Variants in DBF4B observed in about 807,000 individuals in gnomAD.
DBF4B encodes the protein protein DBF4 homolog B.
Under a neutral mutation model 53.4 loss-of-function variants are expected in DBF4B, and 49 were observed. That is an observed-to-expected ratio of 0.92 (90% CI 0.73 to 1.16). DBF4B has a LOEUF of 1.16. Ranked by LOEUF, DBF4B falls within the 50% of genes most tolerant of loss-of-function variation. The pLI is 0.00. For missense variants in DBF4B, 692 were observed against 775.0 expected (o/e 0.89, Z 1.27); for synonymous variants, 257 against 288.7 (o/e 0.89, Z 1.11).
chr17:44,740,795 A>C (rs1975925358), intron 9 of DBF4B, among the ~76,000 whole-genome samples: 1 of 152,190 alleles, frequency 6.6e-6, no homozygotes, highest in African/African-American at 2.4e-5. Flanking sequence ...ATAAGCCCAG[A>C]GGGTGCTTAT....
At chr17:44,733,635 T>TC (rs1386776282) in intron 6 of DBF4B, 1 of 160,710 alleles carries the variant, frequency 6.2e-6, no homozygotes, top group Non-Finnish European at 1.4e-5. Context: ...GTGGAGGGCT[T>TC]CATCTCACTG....
chr17:44,744,081 A>ACCCCCCCCCCCCCCC (rs71361595), intron 10 of DBF4B, among the ~76,000 whole-genome samples: 2 of 8,694 alleles, frequency 2.3e-4, no homozygotes, highest in African/African-American at 5.3e-4. Context: ...TAATGAGACC[A>ACCCCCCCCCCCCCCC]CCCCCCCCCC....
intron 7 of DBF4B, among the ~76,000 whole-genome samples, chr17:44,734,545 C>A (rs1176274468): frequency 6.6e-6 from 1 of 152,218 alleles, no homozygotes; most frequent in Non-Finnish European, 1.5e-5. Flanking sequence ...CTGCATACTG[C>A]AGGGGTGAGA....
At chr17:44,745,321 G>A (rs1976490832) in intron 10 of DBF4B, among the ~76,000 whole-genome samples, 1 of 152,178 alleles carries the variant, frequency 6.6e-6, no homozygotes, top group East Asian at 1.9e-4. Context: ...AAAACCCCAA[G>A]TTTGTGGTTT....
chr17:44,739,386 A>C (rs528052605), intron 9 of DBF4B, among the ~76,000 whole-genome samples: 8 of 152,366 alleles, frequency 5.3e-5, no homozygotes, highest in African/African-American at 1.9e-4. Flanking sequence ...TCAGACAGGG[A>C]AGGGCAGGGC....
chr17:44,713,364 A>G (rs1973065001), intron 2 of DBF4B, among the ~76,000 whole-genome samples: 1 of 149,918 alleles, frequency 6.7e-6, no homozygotes, highest in African/African-American at 2.4e-5. Flanking sequence ...TTATGTAAAC[A>G]TTATTCGGCC....
In DBF4B at chr17:44,751,859, C is replaced by T. The variant is rs375402020; in HGVS notation, c.*606C>T. 67 of 1,535,658 alleles carry T rather than the reference C, an allele frequency of 4.4e-5. 3 individuals are homozygous for T. In the Middle Eastern group the frequency reaches 1.7e-3, roughly 38 times the overall value. On this transcript the variant is annotated 3_prime_UTR_variant, in exon 14 of 14. Coordinates refer to ENST00000315005, the MANE Select transcript of DBF4B (RefSeq NM_145663.3). The stretch of plus-strand genomic sequence containing the variant: ...CTCCTTGAAGCCTGGCTCCCTTGGT[C>T]GCAGCAGCCCCTCAGTGGCCTGGTT...
chr17:44,709,223 TG>T, intron 1 of DBF4B, 80 bp from the exon 2 acceptor site: 1 of 1,574,498 alleles, frequency 6.4e-7, no homozygotes, highest in Non-Finnish European at 8.7e-7. Context: ...GTGCGCGTTT[TG>T]GGAGACAGTA....
intron 2 of DBF4B, among the ~76,000 whole-genome samples, chr17:44,710,580 AT>A (rs1200677132): frequency 1.3e-5 from 2 of 152,018 alleles, no homozygotes; most frequent in African/African-American, 4.8e-5. Context: ...AAAATGTTTT[AT>A]TTTATTTATT....
chr17:44,736,483 C>T (rs1381918251), intron 7 of DBF4B, among the ~76,000 whole-genome samples: 2 of 152,164 alleles, frequency 1.3e-5, no homozygotes. Flanking sequence ...GTGCCACATG[C>T]GATGAGGTCG....
intron 6 of DBF4B, 150 bp downstream of exon 6, chr17:44,732,415 A>T: frequency 1.2e-6 from 1 of 866,334 alleles, no homozygotes; most frequent in African/African-American, 1.7e-5. Flanking sequence ...AGGTGGGAGG[A>T]TGTGGGGAAG....
intron 10 of DBF4B, among the ~76,000 whole-genome samples, chr17:44,742,409 C>CA (rs1248602974): frequency 0.027 from 1,366 of 51,402 alleles, 15 homozygotes; most frequent in East Asian, 0.065. Context: ...GACTCCTTCT[C>CA]AAAAAAAAAA....
chr17:44,751,794 C>T lies in DBF4B; in HGVS notation c.*541C>T. ...CATCTATTCCAAGGTCATGGACAGG[C>T]TACTGGTGACCAAAGTTGGTTCCTT... is the stretch of plus-strand genomic sequence containing the variant. On this transcript the variant is annotated 3_prime_UTR_variant, in exon 14 of 14. Transcript: ENST00000315005. 6.6e-7 allele frequency: 1 copy of T among 1,521,684 alleles called. No individual in the cohort carries two copies. The highest frequency in any genetic ancestry group is 2.5e-5 in the East Asian group (1 of 40,366). The allele number at this position is 1,521,684 out of a possible 1,614,324, so 94.3% of individuals were successfully genotyped here. A position where few individuals can be genotyped will look rare whatever the true frequency, so the allele number is the denominator to read the frequency against.
At chr17:44,712,854 C>G (rs57837781) in intron 2 of DBF4B, among the ~76,000 whole-genome samples, 10 of 151,584 alleles carry the variant, frequency 6.6e-5, no homozygotes, top group Middle Eastern at 3.4e-3. Flanking sequence ...GAATTACAGG[C>G]GTGAGCCACC....
rs576390778 is a variant in DBF4B at position 44,746,977 on chromosome 17, T to A, written c.831-106T>A. On this transcript the variant is annotated intron_variant, in intron 10 of 13. Coordinates refer to ENST00000315005, the MANE Select transcript of DBF4B (RefSeq NM_145663.3). ...CGGTGCCTGCACAGCCCCTTGGCCATCTTGGTCCTTCCCCTCCCTGACCTA... is the reference window on the plus strand; with the variant it reads ...CGGTGCCTGCACAGCCCCTTGGCCAACTTGGTCCTTCCCCTCCCTGACCTA... 7 of 1,029,584 alleles carry A rather than the reference T, an allele frequency of 6.8e-6. No individual in the cohort carries two copies. The East Asian group carries it at 1.7e-4, about 24-fold the overall frequency. 63.8% of individuals were successfully genotyped at this position (1,029,584 alleles called of 1,614,324 possible).
intron 6 of DBF4B, chr17:44,732,585 T>C (rs1488975881): frequency 4.3e-5 from 11 of 255,120 alleles, no homozygotes; most frequent in Admixed American, 1.6e-4. Context: ...TCATGACCAC[T>C]GGCCAGGCGA....
chr17:44,748,688 T>A (rs1424613245), intron 13 of DBF4B: 27 of 1,435,092 alleles, frequency 1.9e-5, no homozygotes, highest in Non-Finnish European at 2.3e-5. Flanking sequence ...GACCTGGCAC[T>A]TTTTGGCCAC....
chr17:44,736,492 C>T (rs767606966), intron 7 of DBF4B, among the ~76,000 whole-genome samples: 32 of 152,300 alleles, frequency 2.1e-4, no homozygotes, highest in African/African-American at 3.1e-4. Flanking sequence ...GCGATGAGGT[C>T]GGTGGGTACT....
chr17:44,719,631 TTTA>T (rs997294827), intron 2 of DBF4B: 6 of 153,786 alleles, frequency 3.9e-5, no homozygotes, highest in African/African-American at 1.4e-4. Context: ...ATCATTCCTT[TTTA>T]TTGTTGAGTA....
Sources: gnomAD v4.1 joint callset for allele counts (sites outside exome capture counted in the v4.1 genomes callset) on GRCh38, gnomAD v4.1.1 for gene constraint, MANE v1.5 for transcripts, NCBI Gene and HGNC (gene_info 2026-07-23, HGNC 2026-07-21) for gene names.